The following CAPN13 variants were observed in gnomAD, a reference collection of about 807,000 sequenced individuals.
The protein encoded by CAPN13 is calpain 13, also known as calpain-13.
Under a neutral mutation model 98.4 loss-of-function variants are expected in CAPN13, and 90 were observed. The ratio of observed to expected loss-of-function variants is 0.92; its 90% CI spans 0.77 to 1.09. The LOEUF is 1.09. Ranked by LOEUF, CAPN13 falls within the 50% of genes least tolerant of loss-of-function variation. The pLI is 0.00. For missense variants in CAPN13, 887 were observed against 841.3 expected (o/e 1.05, Z -0.67); for synonymous variants, 330 against 305.5 (o/e 1.08, Z -0.84).
At chr2:30,758,494 C>T (rs937975671) in intron 7 of CAPN13, among the ~76,000 whole-genome samples, 1 of 152,182 alleles carries the variant, frequency 6.6e-6, no homozygotes, top group African/African-American at 2.4e-5. Context: ...GGTTCCCCAG[C>T]CTCCTCCAAG....
chr2:30,743,716 T>C (rs746492627), intron 12 of CAPN13, 137 bp from the exon 13 acceptor site: 1 of 792,416 alleles, frequency 1.3e-6, no homozygotes, highest in South Asian at 1.4e-5. Context: ...ATGGAGACAG[T>C]GCTCAGCTGA....
chr2:30,804,516 T>C (rs927518916), intron 1 of CAPN13, among the ~76,000 whole-genome samples: 3 of 152,160 alleles, frequency 2.0e-5, no homozygotes, highest in Non-Finnish European at 4.4e-5. Flanking sequence ...ATTGGAATCA[T>C]AACTCTCTGA....
chr2:30,799,837 G>T (rs574973144), intron 1 of CAPN13, among the ~76,000 whole-genome samples: 65 of 152,248 alleles, frequency 4.3e-4, no homozygotes, highest in African/African-American at 1.5e-3. Context: ...ACTTTGGGAG[G>T]CCAAGGTGGG....
At chr2:30,802,282 A>C (rs1461002345) in intron 1 of CAPN13, among the ~76,000 whole-genome samples, 2 of 152,112 alleles carry the variant, frequency 1.3e-5, no homozygotes, top group Non-Finnish European at 2.9e-5. Flanking sequence ...GGTCCCCAGG[A>C]AGGCCCAGGT....
intron 1 of CAPN13, among the ~76,000 whole-genome samples, chr2:30,797,571 C>T (rs1572886998): frequency 6.6e-6 from 1 of 152,110 alleles, no homozygotes; most frequent in Admixed American, 6.5e-5. Flanking sequence ...AAGGGCTTGG[C>T]GTGGCACATA....
chr2:30,736,555 C>T lies in CAPN13; in HGVS notation c.1670G>A (p.Arg557Gln), dbSNP rs564349108. 9.3e-6 allele frequency: 15 copies of T among 1,613,976 alleles called. No individual in the cohort carries two copies. The highest frequency in any genetic ancestry group is 3.3e-5 in the Admixed American group (2 of 60,020). The change falls in exon 18 of 23, where the codon CGG becomes CAG. Residue 557 changes from arginine to glutamine, a missense_variant. By Grantham distance (43) the Arg-to-Gln change is conservative. Coordinates refer to ENST00000295055, the MANE Select transcript of CAPN13 (RefSeq NM_144575.3). ...TCGCGCAAACTCCTCTTGGTCTAGC[C>T]GCCCATTCACTTTCAGCTGGGTAAG... ...VALMELKVNG[R>Q]LDQEEFARLW...
intron 1 of CAPN13, among the ~76,000 whole-genome samples, chr2:30,789,466 A>G (rs1674495028): frequency 6.6e-6 from 1 of 152,242 alleles, no homozygotes; most frequent in Non-Finnish European, 1.5e-5. Context: ...ATTGCATATA[A>G]AAATGAAATT....
chr2:30,750,075 A>G (rs1292235068), intron 11 of CAPN13, among the ~76,000 whole-genome samples: 2 of 152,206 alleles, frequency 1.3e-5, no homozygotes, highest in South Asian at 2.1e-4. Flanking sequence ...CCATCCATCA[A>G]TGACAGATTG....
At chr2:30,725,544 G>C (rs1670830687) in intron 22 of CAPN13, among the ~76,000 whole-genome samples, 2 of 152,220 alleles carry the variant, frequency 1.3e-5, no homozygotes, top group South Asian at 4.1e-4. Flanking sequence ...TGGAAACCAA[G>C]TAGACTGGTG....
intron 5 of CAPN13, among the ~76,000 whole-genome samples, 172 bp downstream of exon 5, chr2:30,770,141 C>A (rs1210510231): frequency 6.6e-6 from 1 of 152,220 alleles, no homozygotes; most frequent in East Asian, 1.9e-4. Context: ...CACTATGTGC[C>A]TGTGGGACTC....
At chr2:30,782,614 G>A (rs914824084) in intron 2 of CAPN13, among the ~76,000 whole-genome samples, 1 of 152,176 alleles carries the variant, frequency 6.6e-6, no homozygotes, top group Admixed American at 6.5e-5. Context: ...TGTGTGGAAG[G>A]AAGATGTCAC....
At chr2:30,782,094 G>T (rs2148062369) in intron 2 of CAPN13, among the ~76,000 whole-genome samples, 1 of 152,176 alleles carries the variant, frequency 6.6e-6, no homozygotes, top group Non-Finnish European at 1.5e-5. Context: ...AAGGGCTCCT[G>T]GCATCTTAGA....
chr2:30,752,491 G>A (rs1487501632), intron 10 of CAPN13, among the ~76,000 whole-genome samples: 1 of 152,154 alleles, frequency 6.6e-6, no homozygotes, highest in Non-Finnish European at 1.5e-5. Flanking sequence ...GCTCAGATGC[G>A]CCTACCTGTG....
rs901050256 is a variant in CAPN13, at chr2:30,780,757, T to C, written c.199-3118A>G. The stretch of plus-strand genomic sequence containing the variant: ...CTTGTTCCTTCCGGACTCTGGACTT[T>C]AGAGCTGTGACCAATAATCGAAAAA... On this transcript the variant is annotated intron_variant, in intron 2 of 22. Coordinates refer to ENST00000295055, the MANE Select transcript of CAPN13 (RefSeq NM_144575.3). Among the ~76,000 whole-genome samples, 6 of 152,186 alleles carry C rather than the reference T, an allele frequency of 3.9e-5. No homozygotes were observed. The South Asian group carries it at 1.2e-3, about 32-fold the overall frequency.
At chr2:30,774,255 T>C (rs1673563926) in intron 4 of CAPN13, among the ~76,000 whole-genome samples, 1 of 151,476 alleles carries the variant, frequency 6.6e-6, no homozygotes, top group Non-Finnish European at 1.5e-5. Context: ...AACAATAAAA[T>C]TAGGAGAAAG....
intron 2 of CAPN13, among the ~76,000 whole-genome samples, chr2:30,786,538 A>G (rs978434293): frequency 3.9e-5 from 6 of 152,218 alleles, no homozygotes; most frequent in Admixed American, 2.6e-4. Flanking sequence ...TTGTGGAGTC[A>G]GGGAGGTCTG....
chr2:30,738,762 A>T (rs1671508334), intron 15 of CAPN13, among the ~76,000 whole-genome samples: 1 of 152,176 alleles, frequency 6.6e-6, no homozygotes, highest in South Asian at 2.1e-4. Context: ...GGCACTGGGG[A>T]ACCCCTCAGG....
intron 18 of CAPN13, among the ~76,000 whole-genome samples, chr2:30,736,262 A>C (rs1263001182): frequency 6.6e-6 from 1 of 152,118 alleles, no homozygotes; most frequent in Non-Finnish European, 1.5e-5. Flanking sequence ...TTTAGCTTAC[A>C]GAGACAGCAT....
At chr2:30,763,688 C>A (rs1672959432) in intron 6 of CAPN13, among the ~76,000 whole-genome samples, 2 of 152,190 alleles carry the variant, frequency 1.3e-5, no homozygotes, top group Non-Finnish European at 2.9e-5. Context: ...GTCATGCTGC[C>A]CTTGGGTGCT....
Sources: allele counts gnomAD v4.1 joint callset (sites outside exome capture counted in the v4.1 genomes callset), GRCh38; gene constraint gnomAD v4.1.1; transcripts MANE v1.5; gene names NCBI Gene and HGNC (gene_info 2026-07-23, HGNC 2026-07-21).